FYCO1: variants seen among roughly 807,000 people sequenced by gnomAD.
The protein encoded by FYCO1 is FYVE and coiled-coil domain autophagy adaptor 1, also known as FYVE and coiled-coil domain-containing protein 1.
In FYCO1, 122 loss-of-function variants were observed where a neutral mutation model predicts 165.1. The ratio of observed to expected loss-of-function variants is 0.74; its 90% CI spans 0.64 to 0.86. The LOEUF is 0.86. Ranked by LOEUF, FYCO1 falls within the 40% of genes least tolerant of loss-of-function variation. The pLI, the probability that FYCO1 is intolerant of heterozygous loss-of-function variation, is 0.00. For synonymous variants in FYCO1, 648 were observed against 742.5 expected (o/e 0.87, Z 2.07); for missense variants, 1,702 against 1,810.3 (o/e 0.94, Z 1.09).
intron 1 of FYCO1, among the ~76,000 whole-genome samples, chr3:45,987,786 C>T (rs763990331): frequency 6.6e-5 from 10 of 152,206 alleles, no homozygotes; most frequent in African/African-American, 1.7e-4. Context: ...GTAACTCATC[C>T]GGGCTGCGGC....
At chr3:45,969,827 T>A in intron 6 of FYCO1, 62 bp from the exon 7 acceptor site, 1 of 1,421,854 alleles carries the variant, frequency 7.0e-7, no homozygotes, top group Non-Finnish European at 9.8e-7. Flanking sequence ...CATGGAGGCC[T>A]TGCTGGTCAC....
intron 12 of FYCO1, among the ~76,000 whole-genome samples, 174 bp downstream of exon 12, chr3:45,959,219 T>C (rs147218519): frequency 1.8e-3 from 274 of 152,348 alleles, no homozygotes; most frequent in African/African-American, 6.2e-3. Flanking sequence ...CTTGTTAGGA[T>C]CCCAACTAAT....
chr3:45,954,220 G>T (rs932281963), intron 14 of FYCO1, among the ~76,000 whole-genome samples: 1 of 151,594 alleles, frequency 6.6e-6, no homozygotes, highest in Admixed American at 6.6e-5. Flanking sequence ...ATTTTTTGGG[G>T]GGGGTAAGGC....
chr3:45,957,444 T>C (rs995693792), intron 13 of FYCO1, among the ~76,000 whole-genome samples: 1 of 152,228 alleles, frequency 6.6e-6, no homozygotes, highest in Non-Finnish European at 1.5e-5. Flanking sequence ...TTGAAGACTT[T>C]TTTGCTCTTT....
chr3:45,965,191 C>T, intron 8 of FYCO1, 66 bp from the exon 9 acceptor site: 3 of 1,255,016 alleles, frequency 2.4e-6, no homozygotes, highest in Non-Finnish European at 2.3e-6. Context: ...CCCTCAGCCC[C>T]CTCACCCAAA....
rs1559434999 is a variant in FYCO1, at chr3:45,918,692, A to G, written c.*3073T>C. On this transcript the variant is annotated 3_prime_UTR_variant, in exon 18 of 18. Coordinates refer to ENST00000296137, the MANE Select transcript of FYCO1 (RefSeq NM_024513.4). ...CGATTTCCTTTCATTTGGGCCTGAA[A>G]TAGTTTCACCACCTTCGATGATAAT... 1.3e-5 allele frequency: 2 copies of G among 152,232 alleles called. No homozygotes were observed. Among genetic ancestry groups the G allele is most frequent in the Non-Finnish European group, 2.9e-5 (2 of 68,026 alleles). 9.4% of individuals were successfully genotyped at this position (152,232 alleles called of 1,614,324 possible). A position where few individuals can be genotyped will look rare whatever the true frequency, so the allele number is the denominator to read the frequency against.
In FYCO1 at chr3:45,964,465, A is replaced by G. The variant is rs773447826; in HGVS notation, c.3151-11T>C. ...GTCTGCTTGGGTGGCCTGGCACAGG[A>G]CGTCAGGGAGAAGACACTCAGCTTG... On this transcript the variant is annotated splice_polypyrimidine_tract_variant and intron_variant, in intron 9 of 17. Transcript: ENST00000296137. The surrounding 1 kb of genome is among the most constrained non-coding windows in gnomAD (Gnocchi z 4.1). 35 of 1,613,652 alleles carry G rather than the reference A, an allele frequency of 2.2e-5. No individual in the cohort carries two copies. Among genetic ancestry groups the G allele is most frequent in the Non-Finnish European group, 3.0e-5 (35 of 1,179,780 alleles).
intron 1 of FYCO1, among the ~76,000 whole-genome samples, chr3:45,991,286 G>A (rs1707549735): frequency 6.6e-6 from 1 of 152,236 alleles, no homozygotes; most frequent in Non-Finnish European, 1.5e-5. Flanking sequence ...GATGAAGTGT[G>A]TCTACTCCAC....
intron 16 of FYCO1, among the ~76,000 whole-genome samples, chr3:45,925,594 C>T (rs959753089): frequency 1.7e-4 from 26 of 152,196 alleles, no homozygotes; most frequent in Admixed American, 4.6e-4. Context: ...AACACAGCTG[C>T]ATCTTTCTCT....
At chr3:45,975,080 T>C (rs1204208729) in intron 5 of FYCO1, among the ~76,000 whole-genome samples, 159 bp downstream of exon 5, 1 of 152,116 alleles carries the variant, frequency 6.6e-6, no homozygotes, top group East Asian at 1.9e-4. Context: ...TCAAGGACTT[T>C]GGGAGGAGGG....
intron 14 of FYCO1, among the ~76,000 whole-genome samples, chr3:45,949,672 C>A (rs547627229): frequency 8.3e-4 from 126 of 152,304 alleles, no homozygotes; most frequent in South Asian, 2.3e-3. Flanking sequence ...ACTGCAAGCA[C>A]CATGCTTGGG....
intron 4 of FYCO1, among the ~76,000 whole-genome samples, chr3:45,978,864 T>G (rs1399051597): frequency 6.6e-6 from 1 of 151,128 alleles, no homozygotes; most frequent in African/African-American, 2.4e-5. Flanking sequence ...TGGAGTTTTT[T>G]TTTTTTTTTT....
Position 45,962,404 on chromosome 3 carries a change from G to C in FYCO1, c.3270-12C>G. 1 of 1,613,874 alleles carries C rather than the reference G, an allele frequency of 6.2e-7. No individual in the cohort carries two copies. The highest frequency in any genetic ancestry group is 1.3e-5 in the African/African-American group (1 of 75,026). On this transcript the variant is annotated splice_polypyrimidine_tract_variant and intron_variant, in intron 10 of 17. Transcript: ENST00000296137. The surrounding 1 kb of genome is among the most constrained non-coding windows in gnomAD (Gnocchi z 4.4). ...GTTCCTTCTGGGTCCTGGGGGAGGA[G>C]TGGTAAGTTTTCTTGATTAGCCAGG... is the stretch of plus-strand genomic sequence containing the variant.
At position 45,921,617 on chromosome 3, in the gene FYCO1, G is replaced by T. The variant is rs1028458021; in HGVS notation, c.*148C>A. 5.9e-5 allele frequency: 41 copies of T among 689,540 alleles called. No individual in the cohort carries two copies. The highest frequency in any genetic ancestry group is 1.1e-4 in the Non-Finnish European group (40 of 374,840). The allele number at this position is 689,540 out of a possible 1,614,324, so 42.7% of individuals were successfully genotyped here. On this transcript the variant is annotated 3_prime_UTR_variant, in exon 18 of 18. Transcript: ENST00000296137. The stretch of plus-strand genomic sequence containing the variant: ...GCCGGTGCAGAGTGCTGAGCACAAA[G>T]TCCTCCCCAGACACCGCCTCTGAGG...
chr3:45,942,215 G>A (rs1704271943), intron 14 of FYCO1, among the ~76,000 whole-genome samples: 1 of 152,274 alleles, frequency 6.6e-6, no homozygotes, highest in Non-Finnish European at 1.5e-5. Context: ...TGGCTTTGCA[G>A]CCTGACAGTC....
chr3:45,966,829 T>C lies in FYCO1; in HGVS notation c.2505A>G (p.Glu835=), dbSNP rs751252568. Residue 835 remains glutamate (E), a synonymous_variant, in exon 8 of 18, where the codon GAA becomes GAG. Coordinates refer to ENST00000296137, the MANE Select transcript of FYCO1 (RefSeq NM_024513.4). ...TLVQQLKEQN[E]ALNRAHVQEL... is the part of the protein sequence containing the mutation. ...CCTGGACATGGGCTCTGTTAAGGGC[T>C]TCATTCTGCTCCTTCAGCTGCTGCA... The C allele has an allele frequency of 3.7e-6, 6 of 1,611,272 alleles. No individual in the cohort carries two copies. The highest frequency in any genetic ancestry group is 5.1e-6 in the Non-Finnish European group (6 of 1,180,018).
chr3:45,941,526 C>T lies in FYCO1; in HGVS notation c.3945-4983G>A, dbSNP rs78637498. 6.4e-3 allele frequency among the ~76,000 whole-genome samples: 970 copies of T among 152,264 alleles called. 17 individuals are homozygous for T. Among genetic ancestry groups the T allele is most frequent in the African/African-American group, 0.021 (889 of 41,534 alleles). ...ACACTATAAATTGGCAGATAGTAAA[C>T]GGCATTTTGTAAAGTGATTAAAATA... On this transcript the variant is annotated intron_variant, in intron 14 of 17. Transcript: ENST00000296137.
At chr3:45,954,569 C>T (rs918514480) in intron 14 of FYCO1, among the ~76,000 whole-genome samples, 1 of 152,148 alleles carries the variant, frequency 6.6e-6, no homozygotes, top group Admixed American at 6.5e-5. Context: ...CAAGGGCGGC[C>T]CAGCAAGGGT....
intron 16 of FYCO1, among the ~76,000 whole-genome samples, chr3:45,928,078 T>G (rs1308904172): frequency 6.6e-6 from 1 of 152,204 alleles, no homozygotes; most frequent in African/African-American, 2.4e-5. Flanking sequence ...AGATTAGTGG[T>G]CACTGGGGGC....
Sources: allele counts gnomAD v4.1 joint callset (sites outside exome capture counted in the v4.1 genomes callset), GRCh38; gene constraint gnomAD v4.1.1; non-coding constraint Gnocchi (gnomAD v3.1); transcripts MANE v1.5; gene names NCBI Gene and HGNC (gene_info 2026-07-23, HGNC 2026-07-21).